The following ITGA6 variants were observed in gnomAD, a reference collection of about 807,000 sequenced individuals.
ITGA6 encodes integrin subunit alpha 6.
Under a neutral mutation model 133.6 loss-of-function variants are expected in ITGA6, and 63 were observed. That is an observed-to-expected ratio of 0.47 (90% CI 0.38 to 0.58). ITGA6 has a LOEUF of 0.58. Among genes scored for constraint, ITGA6 ranks in the 20% least tolerant of loss-of-function variants. The probability of loss-of-function intolerance (pLI) is 0.00; values close to 1 mark genes in which losing one functional copy is unlikely to be tolerated. For missense variants in ITGA6, 1,068 were observed against 1,309.4 expected, an observed-to-expected ratio of 0.82 and a Z score of 2.85; for synonymous variants, 434 against 482.0, an observed-to-expected ratio of 0.90 and a Z score of 1.30.
At chr2:172,465,131 C>T (rs201115588) in intron 1 of ITGA6, 2 of 225,396 alleles carry the variant, frequency 8.9e-6, no homozygotes, top group East Asian at 3.5e-4. Flanking sequence ...TTGCTTATTA[C>T]ATTTAGTGTG....
At chr2:172,460,547 A>T (rs1021797980) in intron 1 of ITGA6, among the ~76,000 whole-genome samples, 1 of 152,244 alleles carries the variant, frequency 6.6e-6, no homozygotes, top group Non-Finnish European at 1.5e-5. Flanking sequence ...ATACATATAT[A>T]ATAATCCAGA....
intron 1 of ITGA6, chr2:172,428,562 A>AAAT (rs1683972347): frequency 1.4e-5 from 2 of 143,956 alleles, no homozygotes; most frequent in Non-Finnish European, 1.5e-5. Flanking sequence ...AAAAAAAAAA[A>AAAT]GATGGGGGTG....
chr2:172,451,318 A>G (rs1417185827), intron 1 of ITGA6, among the ~76,000 whole-genome samples: 3 of 151,842 alleles, frequency 2.0e-5, no homozygotes, highest in Non-Finnish European at 2.9e-5. Context: ...TACAAAAATT[A>G]GCCTGGTGTG....
intron 11 of ITGA6, among the ~76,000 whole-genome samples, chr2:172,484,123 G>A (rs1402603026): frequency 6.6e-6 from 1 of 152,100 alleles, no homozygotes; most frequent in African/African-American, 2.4e-5. Flanking sequence ...TTTTTTATTT[G>A]TTAAGGTAAA....
intron 20 of ITGA6, among the ~76,000 whole-genome samples, chr2:172,490,169 G>A (rs1406217262): frequency 6.6e-6 from 1 of 152,062 alleles, no homozygotes; most frequent in Non-Finnish European, 1.5e-5. Context: ...TCATTCTCTG[G>A]ATGGTCCTAT....
rs1684788416 is a variant in ITGA6, at chr2:172,446,860, A to G, written c.183-18679A>G. On this transcript the variant is annotated intron_variant, in intron 1 of 25. Coordinates refer to ENST00000684293, the MANE Select transcript of ITGA6 (RefSeq NM_000210.4). Reference sequence around the variant, plus strand: ...TTTAAGAGATGTCTTAGTGGTATGAATTGCTTGGTCAGCTGAAAACTTTTC... The same window carrying G: ...TTTAAGAGATGTCTTAGTGGTATGAGTTGCTTGGTCAGCTGAAAACTTTTC... 3.9e-5 allele frequency among the ~76,000 whole-genome samples: 6 copies of G among 152,162 alleles called. No homozygotes were observed. In the South Asian group the frequency reaches 1.2e-3, roughly 32 times the overall value.
intron 5 of ITGA6, chr2:172,472,656 C>G (rs1331285951): frequency 3.0e-6 from 2 of 662,362 alleles, no homozygotes; most frequent in Non-Finnish European, 5.4e-6. Context: ...GCAATGAGAG[C>G]AGCTTGCCGG....
chr2:172,481,302 G>A (rs1227609868), intron 11 of ITGA6, among the ~76,000 whole-genome samples: 1 of 152,114 alleles, frequency 6.6e-6, no homozygotes, highest in African/African-American at 2.4e-5. Context: ...ACCTAAAGTT[G>A]TTGCTTGAAA....
chr2:172,474,785 TTTTTAAAAAATGTTATA>T (rs1686093647), intron 6 of ITGA6, 127 bp from the exon 7 acceptor site: 7 of 692,180 alleles, frequency 1.0e-5, no homozygotes, highest in Non-Finnish European at 1.9e-5. Flanking sequence ...GCTACCTTGG[TTTTTAAAAAATGTTATA>T]ATTGAGTCAT....
At chr2:172,470,117 T>C (rs1425652754) in intron 4 of ITGA6, among the ~76,000 whole-genome samples, 1 of 152,192 alleles carries the variant, frequency 6.6e-6, no homozygotes, top group Non-Finnish European at 1.5e-5. Flanking sequence ...ATAAGTCACA[T>C]AACACTTTCA....
intron 23 of ITGA6, among the ~76,000 whole-genome samples, chr2:172,495,681 G>A (rs561434992): frequency 6.6e-6 from 1 of 152,328 alleles, no homozygotes; most frequent in Admixed American, 6.5e-5. Flanking sequence ...TTGGTTCTCA[G>A]TCTTTGATGC....
intron 1 of ITGA6, among the ~76,000 whole-genome samples, chr2:172,446,444 C>G (rs1684771881): frequency 6.6e-6 from 1 of 152,214 alleles, no homozygotes; most frequent in South Asian, 2.1e-4. Context: ...TCACAACATG[C>G]TAGAATTTAA....
chr2:172,489,771 T>G, intron 20 of ITGA6, 113 bp downstream of exon 20: 1 of 978,130 alleles, frequency 1.0e-6, no homozygotes. Flanking sequence ...CAGGTTGACT[T>G]TCTCTTTGGT....
chr2:172,502,956 CT>C (rs1180721672), intron 25 of ITGA6, among the ~76,000 whole-genome samples: 1 of 141,774 alleles, frequency 7.1e-6, no homozygotes, highest in African/African-American at 3.0e-5. Context: ...GGTACTTTGG[CT>C]TTTTTTTCTT....
In ITGA6 at chr2:172,427,741, G is replaced by T; in HGVS notation, c.-48G>T. 1 of 1,514,984 alleles carries T rather than the reference G, an allele frequency of 6.6e-7. No individual in the cohort carries two copies. Among genetic ancestry groups the T allele is most frequent in the Non-Finnish European group, 8.8e-7 (1 of 1,131,278 alleles). 93.8% of individuals were successfully genotyped at this position (1,514,984 alleles called of 1,614,324 possible). A position where few individuals can be genotyped will look rare whatever the true frequency, so the allele number is the denominator to read the frequency against. ...GGCAGCCTCGGACCCAGCCCGGAGC[G>T]CAGGGCGGCCGCTGCAGGTCCCCGC... is the stretch of plus-strand genomic sequence containing the variant. On this transcript the variant is annotated 5_prime_UTR_variant, in exon 1 of 26. Coordinates refer to ENST00000684293, the MANE Select transcript of ITGA6 (RefSeq NM_000210.4).
intron 1 of ITGA6, among the ~76,000 whole-genome samples, chr2:172,461,423 T>G (rs77309594): frequency 0.033 from 5,081 of 152,308 alleles, 259 homozygotes; most frequent in African/African-American, 0.11. Context: ...GCCCTTTGTT[T>G]AGTTTTTCTT....
intron 1 of ITGA6, chr2:172,428,712 G>A (rs1205209287): frequency 6.6e-6 from 1 of 152,162 alleles, no homozygotes; most frequent in African/African-American, 2.4e-5. Flanking sequence ...ACAGCCAAGG[G>A]GTTAAAGCAA....
Position 172,442,704 on chromosome 2 carries a change from G to A in ITGA6, c.182+14734G>A, listed in dbSNP as rs141876196. ...CCCAGTTGCCAGCACAGTGCCTGGC[G>A]CACAGTAGGTACGTGTTTGTGAGCT... is the stretch of plus-strand genomic sequence containing the variant. On this transcript the variant is annotated intron_variant, in intron 1 of 25. Coordinates refer to ENST00000684293, the MANE Select transcript of ITGA6 (RefSeq NM_000210.4). 6.6e-4 allele frequency among the ~76,000 whole-genome samples: 101 copies of A among 152,210 alleles called. 2 individuals are homozygous for A. In the East Asian group the frequency reaches 0.017, roughly 25 times the overall value.
intron 1 of ITGA6, among the ~76,000 whole-genome samples, chr2:172,460,486 T>G (rs1192944331): frequency 6.6e-6 from 1 of 152,230 alleles, no homozygotes; most frequent in Non-Finnish European, 1.5e-5. Context: ...AGTTTGTTCT[T>G]TCCTTTTCAT....
Sources: allele counts gnomAD v4.1 joint callset (sites outside exome capture counted in the v4.1 genomes callset), GRCh38; gene constraint gnomAD v4.1.1; transcripts MANE v1.5; gene names NCBI Gene and HGNC (gene_info 2026-07-23, HGNC 2026-07-21).